Variants in CNTN6 observed in about 807,000 individuals in gnomAD.
CNTN6 encodes contactin-6.
Under a neutral mutation model 122.8 loss-of-function variants are expected in CNTN6, and 137 were observed. That is an observed-to-expected ratio of 1.12 (90% CI 0.97 to 1.29). CNTN6 has a LOEUF of 1.29. CNTN6 is among the 50% of genes most tolerant of loss of function. The pLI is 0.00. For synonymous variants in CNTN6, 570 were observed against 426.0 expected (o/e 1.34, Z -4.16); for missense variants, 1,634 against 1,223.4 (o/e 1.34, Z -5.01).
intron 2 of CNTN6, among the ~76,000 whole-genome samples, chr3:1,201,097 T>TA: frequency 8.9e-6 from 1 of 112,800 alleles, no homozygotes; most frequent in African/African-American, 3.6e-5. Context: ...CCAGCTAACA[T>TA]TTTGTGTGTG....
Position 1,352,309 on chromosome 3 carries a change from G to T in CNTN6, c.1365-15G>T. 1 of 1,496,292 alleles carries T rather than the reference G, an allele frequency of 6.7e-7. No homozygotes were observed. The highest frequency in any genetic ancestry group is 9.0e-7 in the Non-Finnish European group (1 of 1,115,846). 92.7% of individuals were successfully genotyped at this position (1,496,292 alleles called of 1,614,324 possible). A position where few individuals can be genotyped will look rare whatever the true frequency, so the allele number is the denominator to read the frequency against. On this transcript the variant is annotated splice_polypyrimidine_tract_variant and intron_variant, in intron 11 of 22. Transcript: ENST00000446702. Reference sequence around the variant, plus strand: ...GAAGAGCCTTACTTCTATTAATGATGTATTTTCTTTTTAGAATATTTCTCT... The same window carrying T: ...GAAGAGCCTTACTTCTATTAATGATTTATTTTCTTTTTAGAATATTTCTCT...
intron 1 of CNTN6, among the ~76,000 whole-genome samples, chr3:1,111,248 A>G (rs1224024927): frequency 6.6e-6 from 1 of 152,178 alleles, no homozygotes; most frequent in African/African-American, 2.4e-5. Context: ...AGTGCTATTT[A>G]GCTCATTTCT....
intron 4 of CNTN6, among the ~76,000 whole-genome samples, chr3:1,258,043 A>G (rs868155111): frequency 6.6e-6 from 1 of 152,086 alleles, no homozygotes; most frequent in Non-Finnish European, 1.5e-5. Flanking sequence ...TGCATTTCCT[A>G]TATCAGCTCC....
intron 1 of CNTN6, among the ~76,000 whole-genome samples, chr3:1,117,454 A>G (rs925060274): frequency 3.3e-5 from 5 of 152,192 alleles, no homozygotes; most frequent in Admixed American, 2.6e-4. Context: ...TCTGGACCCT[A>G]TCTTTCTAGT....
chr3:1,343,000 AGAGT>A (rs984251337), intron 11 of CNTN6, among the ~76,000 whole-genome samples: 1 of 152,056 alleles, frequency 6.6e-6, no homozygotes, highest in Non-Finnish European at 1.5e-5. Context: ...CACTCCTAAG[AGAGT>A]GAGACCGGAC....
At chr3:1,099,333 C>T (rs1463085360) in intron 1 of CNTN6, among the ~76,000 whole-genome samples, 8 of 151,940 alleles carry the variant, frequency 5.3e-5, no homozygotes, top group African/African-American at 1.2e-4. Flanking sequence ...CGCCTGTAGT[C>T]CCAGCTACTG....
At chr3:1,130,940 C>T (rs2092319754) in intron 1 of CNTN6, among the ~76,000 whole-genome samples, 1 of 152,064 alleles carries the variant, frequency 6.6e-6, no homozygotes, top group Admixed American at 6.6e-5. Flanking sequence ...TACTTTGTCT[C>T]CAGAGATTCT....
intron 4 of CNTN6, among the ~76,000 whole-genome samples, chr3:1,257,167 T>G (rs960918775): frequency 6.6e-6 from 1 of 152,156 alleles, no homozygotes; most frequent in Non-Finnish European, 1.5e-5. Flanking sequence ...AATTTAAAAT[T>G]ATTTTGTAAA....
At chr3:1,222,899 T>G (rs1044033708) in intron 3 of CNTN6, among the ~76,000 whole-genome samples, 3 of 152,080 alleles carry the variant, frequency 2.0e-5, no homozygotes, top group Non-Finnish European at 4.4e-5. Context: ...TTCCCCTTAC[T>G]CATAGACAAG....
At chr3:1,121,866 C>T (rs2091961058) in intron 1 of CNTN6, among the ~76,000 whole-genome samples, 1 of 151,804 alleles carries the variant, frequency 6.6e-6, no homozygotes, top group Admixed American at 6.6e-5. Context: ...ATTGCCTTTT[C>T]CTTCTTTGTA....
chr3:1,267,886 GA>G (rs371223803), intron 4 of CNTN6, among the ~76,000 whole-genome samples: 21 of 146,152 alleles, frequency 1.4e-4, no homozygotes, highest in Admixed American at 4.7e-4. Flanking sequence ...ATTTCTTTCT[GA>G]AAAAAAAAAC....
At chr3:1,132,892 T>G (rs2092377000) in intron 1 of CNTN6, among the ~76,000 whole-genome samples, 2 of 152,102 alleles carry the variant, frequency 1.3e-5, no homozygotes, top group Non-Finnish European at 2.9e-5. Context: ...TCTCCTGAAT[T>G]CTATCAAGAT....
intron 1 of CNTN6, among the ~76,000 whole-genome samples, chr3:1,103,267 T>A (rs2091046372): frequency 6.6e-6 from 1 of 152,218 alleles, no homozygotes; most frequent in Non-Finnish European, 1.5e-5. Flanking sequence ...TGCTCAGTTG[T>A]GAATCTGTGT....
chr3:1,223,405 G>A (rs2094235470), intron 3 of CNTN6, among the ~76,000 whole-genome samples: 1 of 152,126 alleles, frequency 6.6e-6, no homozygotes, highest in African/African-American at 2.4e-5. Flanking sequence ...GGGAAAATAA[G>A]CAATATTAAA....
intron 1 of CNTN6, among the ~76,000 whole-genome samples, chr3:1,140,355 A>G (rs2092580947): frequency 6.6e-6 from 1 of 152,170 alleles, no homozygotes; most frequent in African/African-American, 2.4e-5. Flanking sequence ...AAGAGGTCAC[A>G]TAGTAGGGGG....
At chr3:1,176,372 G>A (rs570327093) in intron 2 of CNTN6, among the ~76,000 whole-genome samples, 4 of 152,256 alleles carry the variant, frequency 2.6e-5, no homozygotes, top group South Asian at 4.1e-4. Context: ...GGCCAAGATC[G>A]TGCACCGCAC....
rs1355740405 is a variant in CNTN6, at chr3:1,200,888, T to C, written c.56-19799T>C. Among the ~76,000 whole-genome samples the C allele has an allele frequency of 2.0e-5, 3 of 152,058 alleles. No homozygotes were observed. In the East Asian group the frequency reaches 5.8e-4, roughly 29 times the overall value. On this transcript the variant is annotated intron_variant, in intron 2 of 22. Coordinates refer to ENST00000446702, the MANE Select transcript of CNTN6 (RefSeq NM_001289080.2). ...AGGGCATATGCATTTACTTACCCTATACTCTTTCTTCTTTCTTTCCCTTTG... is the reference window on the plus strand; with the variant it reads ...AGGGCATATGCATTTACTTACCCTACACTCTTTCTTCTTTCTTTCCCTTTG...
chr3:1,130,116 G>A (rs756680957), intron 1 of CNTN6, among the ~76,000 whole-genome samples: 83 of 152,080 alleles, frequency 5.5e-4, no homozygotes, highest in Non-Finnish European at 8.4e-4. Context: ...AGATTGATTA[G>A]GGGTAATAAG....
At chr3:1,316,267 T>C (rs1700086123) in intron 7 of CNTN6, among the ~76,000 whole-genome samples, 1 of 151,484 alleles carries the variant, frequency 6.6e-6, no homozygotes, top group Non-Finnish European at 1.5e-5. Context: ...AGAAAAGAGG[T>C]TTAATTGGCT....
Sources: allele counts gnomAD v4.1 joint callset (sites outside exome capture counted in the v4.1 genomes callset), GRCh38; gene constraint gnomAD v4.1.1; transcripts MANE v1.5; gene names NCBI Gene and HGNC (gene_info 2026-07-23, HGNC 2026-07-21).